The following CEPT1 variants were observed in gnomAD, a reference collection of about 807,000 sequenced individuals.
The protein encoded by CEPT1 is choline/ethanolamine phosphotransferase 1, also known as choline/ethanolaminephosphotransferase 1.
In CEPT1, 7 loss-of-function variants were observed where a neutral mutation model predicts 42.6. The ratio of observed to expected loss-of-function variants is 0.16; its 90% CI spans 0.09 to 0.31. The LOEUF is 0.31. CEPT1 is among the 10% of genes least tolerant of loss of function. The probability of loss-of-function intolerance (pLI) is 1.00; values close to 1 mark genes in which losing one functional copy is unlikely to be tolerated. For missense variants in CEPT1, 306 were observed against 502.1 expected, an observed-to-expected ratio of 0.61 and a Z score of 3.73; for synonymous variants, 171 against 171.9, an observed-to-expected ratio of 0.99 and a Z score of 0.04.
In CEPT1 at chr1:111,184,453, CCTAA is replaced by C; in HGVS notation, c.*147_*150del. Reference sequence around the variant, plus strand: ...TTATTCTTTATTATTGGTAACACGCCCTAACTATCCTGTGTGAGAATGGGAATTT... The same window carrying C: ...TTATTCTTTATTATTGGTAACACGCCCTATCCTGTGTGAGAATGGGAATTT... On this transcript the variant is annotated 3_prime_UTR_variant, in exon 9 of 9. Coordinates refer to ENST00000357172, the MANE Select transcript of CEPT1 (RefSeq NM_006090.5). 1 of 565,248 alleles carries C rather than the reference CCTAA, an allele frequency of 1.8e-6. No individual in the cohort carries two copies. Among genetic ancestry groups the C allele is most frequent in the South Asian group, 2.9e-5 (1 of 34,110 alleles). The allele number at this position is 565,248 out of a possible 1,614,324, so 35.0% of individuals were successfully genotyped here.
chr1:111,154,267 G>T (rs1655445042), intron 2 of CEPT1, among the ~76,000 whole-genome samples: 1 of 146,546 alleles, frequency 6.8e-6, no homozygotes. Flanking sequence ...GTTGTTAATG[G>T]GGTTGCCTTC....
chr1:111,153,730 C>T (rs1239929377), intron 2 of CEPT1, among the ~76,000 whole-genome samples: 1 of 152,134 alleles, frequency 6.6e-6, no homozygotes, highest in Non-Finnish European at 1.5e-5. Context: ...CCTTTCCCCA[C>T]TCTATGTTCC....
At position 111,174,895 on chromosome 1, in the gene CEPT1, G is replaced by A; in HGVS notation, c.646G>A (p.Val216Met). Residue 216 changes from valine to methionine, a missense_variant, in exon 5 of 9, where the codon GTG becomes ATG. Coordinates refer to ENST00000357172, the MANE Select transcript of CEPT1 (RefSeq NM_006090.5). ...CCTAATCAGAATTGATGTGACTGAAGTGCAAATCTTCATAATAATCATGCA... is the reference window on the plus strand; with the variant it reads ...CCTAATCAGAATTGATGTGACTGAAATGCAAATCTTCATAATAATCATGCA... ...LRFGIIDVTEVQIFIIIMHLL... is the reference protein window; with the variant it reads ...LRFGIIDVTEMQIFIIIMHLL... 6.2e-7 allele frequency: 1 copy of A among 1,611,284 alleles called. No individual in the cohort carries two copies. The highest frequency in any genetic ancestry group is 8.5e-7 in the Non-Finnish European group (1 of 1,177,702).
intron 2 of CEPT1, among the ~76,000 whole-genome samples, chr1:111,154,107 T>C (rs1655427002): frequency 6.6e-6 from 1 of 151,986 alleles, no homozygotes; most frequent in South Asian, 2.1e-4. Flanking sequence ...TGTGTATATG[T>C]CCTCCTCAGT....
In CEPT1 at chr1:111,149,318, A is replaced by C. The variant is rs1655143421; in HGVS notation, c.339+1265A>C. On this transcript the variant is annotated intron_variant, in intron 2 of 8. Transcript: ENST00000357172. The stretch of plus-strand genomic sequence containing the variant: ...GCCTTTGTCACCCAGGCTGGAGTGC[A>C]ATGGCACTGTCTTGGCTCACTGCAA... 2.1e-5 allele frequency among the ~76,000 whole-genome samples: 3 copies of C among 141,272 alleles called. No individual in the cohort carries two copies. The Admixed American group carries it at 2.3e-4, about 11-fold the overall frequency. The allele number at this position is 141,272 out of a possible 152,430, so 92.7% of individuals were successfully genotyped here. A position where few individuals can be genotyped will look rare whatever the true frequency, so the allele number is the denominator to read the frequency against.
intron 2 of CEPT1, among the ~76,000 whole-genome samples, chr1:111,151,270 C>T (rs1366115209): frequency 6.6e-6 from 1 of 152,088 alleles, no homozygotes; most frequent in Non-Finnish European, 1.5e-5. Flanking sequence ...ACTACAGGCG[C>T]ACGCCGCCAC....
In CEPT1 at chr1:111,183,599, A is replaced by G. The variant is rs569162012; in HGVS notation, c.1131+12A>G. On this transcript the variant is annotated intron_variant, in intron 8 of 8. Coordinates refer to ENST00000357172, the MANE Select transcript of CEPT1 (RefSeq NM_006090.5). ...TTTGGATTGCCCTGGTAAGTATTGT[A>G]CTAAGTCTTATTTCATGGTTTGAGG... The G allele has an allele frequency of 6.2e-6, 10 of 1,605,716 alleles. No homozygotes were observed. The East Asian group carries it at 2.2e-4, about 36-fold the overall frequency.
At chr1:111,173,740 A>T (rs1040671360) in intron 4 of CEPT1, among the ~76,000 whole-genome samples, 1 of 152,288 alleles carries the variant, frequency 6.6e-6, no homozygotes, top group East Asian at 1.9e-4. Context: ...GAAATTTGTT[A>T]TGCAATTACT....
At chr1:111,145,013 A>G (rs1008736412) in intron 1 of CEPT1, among the ~76,000 whole-genome samples, 2 of 152,004 alleles carry the variant, frequency 1.3e-5, no homozygotes, top group Admixed American at 1.3e-4. Context: ...TTGATTTGAA[A>G]TATTAATTTT....
At chr1:111,158,957 A>G (rs1429649603) in intron 2 of CEPT1, among the ~76,000 whole-genome samples, 1 of 109,558 alleles carries the variant, frequency 9.1e-6, no homozygotes, top group Admixed American at 1.4e-4. Context: ...TCTGTCGCCC[A>G]GGCTGGAGTG....
At chr1:111,153,568 CCT>C (rs1655399111) in intron 2 of CEPT1, among the ~76,000 whole-genome samples, 1 of 152,120 alleles carries the variant, frequency 6.6e-6, no homozygotes, top group Non-Finnish European at 1.5e-5. Context: ...AAGCATTTCC[CCT>C]GTGTTTTTTC....
At chr1:111,145,284 G>A (rs1323761191) in intron 1 of CEPT1, among the ~76,000 whole-genome samples, 3 of 152,232 alleles carry the variant, frequency 2.0e-5, no homozygotes, top group African/African-American at 7.2e-5. Context: ...CCAAAGTGGC[G>A]TGAGCCACCG....
chr1:111,169,712 G>T (rs889714522), intron 4 of CEPT1, among the ~76,000 whole-genome samples: 1 of 151,918 alleles, frequency 6.6e-6, no homozygotes, highest in East Asian at 1.9e-4. Flanking sequence ...ATGAAGTTTC[G>T]AAAAAAACTT....
intron 4 of CEPT1, 42 bp downstream of exon 4, chr1:111,161,338 T>C (rs1324030328): frequency 6.5e-7 from 1 of 1,539,886 alleles, no homozygotes; most frequent in East Asian, 2.3e-5. Flanking sequence ...CTCTTTCACA[T>C]ATGGAGAATG....
intron 5 of CEPT1, chr1:111,181,732 A>C (rs1656999979): frequency 6.6e-6 from 1 of 152,352 alleles, no homozygotes; most frequent in Non-Finnish European, 1.5e-5. Flanking sequence ...TTTTATATCT[A>C]GTCGCAACAT....
chr1:111,174,009 C>G (rs895934684), intron 4 of CEPT1, among the ~76,000 whole-genome samples: 4 of 152,000 alleles, frequency 2.6e-5, no homozygotes, highest in African/African-American at 9.7e-5. Context: ...TAACCTTGTA[C>G]AAACATCATT....
At chr1:111,142,159 G>A (rs550521173) in intron 1 of CEPT1, among the ~76,000 whole-genome samples, 22 of 152,214 alleles carry the variant, frequency 1.4e-4, no homozygotes, top group East Asian at 5.8e-4. Context: ...AAATGCAGCC[G>A]TTTTGCATGA....
chr1:111,174,310 A>T (rs1656567124), intron 4 of CEPT1, among the ~76,000 whole-genome samples: 1 of 152,070 alleles, frequency 6.6e-6, no homozygotes, highest in African/African-American at 2.4e-5. Context: ...TCTTTGCAGA[A>T]GTCTCAGAGT....
At chr1:111,168,574 C>T (rs1427665389) in intron 4 of CEPT1, among the ~76,000 whole-genome samples, 4 of 151,666 alleles carry the variant, frequency 2.6e-5, no homozygotes, top group African/African-American at 7.3e-5. Context: ...CTGCAAGCTC[C>T]GCCTCCCAGG....
Sources: allele counts gnomAD v4.1 joint callset (sites outside exome capture counted in the v4.1 genomes callset), GRCh38; gene constraint gnomAD v4.1.1; transcripts MANE v1.5; gene names NCBI Gene and HGNC (gene_info 2026-07-23, HGNC 2026-07-21).